Variants in TRIM67 observed in about 807,000 individuals in gnomAD.
TRIM67 encodes the protein tripartite motif-containing protein 67.
A neutral mutation model predicts 71.0 loss-of-function variants in TRIM67; 39 were observed. The ratio of observed to expected loss-of-function variants is 0.55; its 90% confidence interval spans 0.43 to 0.72. The LOEUF is 0.72. Among genes scored for constraint, TRIM67 ranks in the 30% least tolerant of loss-of-function variants. The pLI is 0.00. For missense variants in TRIM67, 973 were observed against 1,079.2 expected (o/e 0.90, Z 1.38); for synonymous variants, 481 against 473.9 (o/e 1.01, Z -0.19).
chr1:231,208,429 C>T (rs1683773034), intron 7 of TRIM67, among the ~76,000 whole-genome samples: 2 of 152,082 alleles, frequency 1.3e-5, no homozygotes, highest in Admixed American at 6.6e-5. Context: ...CCGCCTCGGC[C>T]TCCCAAAGTG....
At chr1:231,212,234 G>A (rs1469559635) in intron 8 of TRIM67, among the ~76,000 whole-genome samples, 1 of 152,174 alleles carries the variant, frequency 6.6e-6, no homozygotes, top group Non-Finnish European at 1.5e-5. Context: ...AACGGTACCA[G>A]GTGCAAGGTT....
At chr1:231,183,798 C>G (rs542913267) in intron 1 of TRIM67, among the ~76,000 whole-genome samples, 1 of 152,242 alleles carries the variant, frequency 6.6e-6, no homozygotes, top group South Asian at 2.1e-4. Flanking sequence ...TAGGCACTTA[C>G]TGCTATTACC....
At chr1:231,178,304 A>G (rs1010160573) in intron 1 of TRIM67, among the ~76,000 whole-genome samples, 1 of 152,204 alleles carries the variant, frequency 6.6e-6, no homozygotes, top group Non-Finnish European at 1.5e-5. Context: ...GAGGCAGGAG[A>G]ATACGGGGAA....
intron 7 of TRIM67, among the ~76,000 whole-genome samples, chr1:231,208,550 G>A (rs1051634867): frequency 3.9e-5 from 6 of 152,102 alleles, no homozygotes; most frequent in African/African-American, 1.4e-4. Flanking sequence ...GACCTGAGGT[G>A]ATCCACCCAC....
At chr1:231,172,365 G>A (rs776049168) in intron 1 of TRIM67, among the ~76,000 whole-genome samples, 1 of 152,178 alleles carries the variant, frequency 6.6e-6, no homozygotes, top group Non-Finnish European at 1.5e-5. Flanking sequence ...ACGGGATGGG[G>A]GAGCTTCAAT....
At chr1:231,169,605 C>T (rs1261378489) in intron 1 of TRIM67, among the ~76,000 whole-genome samples, 1 of 152,030 alleles carries the variant, frequency 6.6e-6, no homozygotes, top group Non-Finnish European at 1.5e-5. Flanking sequence ...TCTCAATCTC[C>T]TGACCCCAGG....
In TRIM67 at chr1:231,217,605, T is replaced by C; in HGVS notation, c.*2165T>C. On this transcript the variant is annotated 3_prime_UTR_variant, in exon 10 of 10. Transcript: ENST00000366653. ...CTCTCTTCTGAAAAAAAAACAGGCCTACACCCTGCCCCCAGAATGAGAGTG... is the reference window on the plus strand; with the variant it reads ...CTCTCTTCTGAAAAAAAAACAGGCCCACACCCTGCCCCCAGAATGAGAGTG... 9.0e-7 allele frequency: 1 copy of C among 1,116,164 alleles called. No individual in the cohort carries two copies. The highest frequency in any genetic ancestry group is 1.1e-6 in the Non-Finnish European group (1 of 900,842). 69.1% of individuals were successfully genotyped at this position (1,116,164 alleles called of 1,614,324 possible).
chr1:231,175,571 C>T (rs1682724552), intron 1 of TRIM67, among the ~76,000 whole-genome samples: 2 of 152,234 alleles, frequency 1.3e-5, no homozygotes, highest in Non-Finnish European at 2.9e-5. Flanking sequence ...CACCCGCACA[C>T]GCAGCCGGCT....
rs6691392 is a variant in TRIM67, at chr1:231,217,716, A to G, written c.*2276A>G. On this transcript the variant is annotated 3_prime_UTR_variant, in exon 10 of 10. Transcript: ENST00000366653. ...GGAGCCTCCACCATCACCACAGCCC[A>G]GGTCACCAGGTGGCCCCAGCTCTGC... The G allele has an allele frequency of 0.056, 69,231 of 1,234,206 alleles. 4,575 individuals are homozygous for G. Among genetic ancestry groups the G allele is most frequent in the African/African-American group, 0.28 (17,864 of 64,668 alleles). 76.5% of individuals were successfully genotyped at this position (1,234,206 alleles called of 1,614,324 possible). A position where few individuals can be genotyped will look rare whatever the true frequency, so the allele number is the denominator to read the frequency against.
intron 3 of TRIM67, 121 bp downstream of exon 3, chr1:231,199,290 G>A (rs1255182034): frequency 2.0e-6 from 2 of 984,834 alleles, no homozygotes; most frequent in Non-Finnish European, 3.1e-6. Flanking sequence ...ATGAGCTAAT[G>A]AATGAATGAG....
intron 1 of TRIM67, among the ~76,000 whole-genome samples, chr1:231,185,531 T>C (rs9431953): frequency 0.14 from 21,155 of 151,556 alleles, 2,467 homozygotes; most frequent in African/African-American, 0.3. Context: ...GTGGGATCCC[T>C]AGTAGGAGAC....
chr1:231,173,809 G>A lies in TRIM67; in HGVS notation c.1044+9796G>A, dbSNP rs141861988. Among the ~76,000 whole-genome samples the A allele has an allele frequency of 1.5e-3, 221 of 152,252 alleles. 1 individual carries two copies. The highest frequency in any genetic ancestry group is 5.1e-3 in the African/African-American group (213 of 41,550). ...GTGGTTTGGAAAATGGATAGTAGGGGGACAAGAGTGGAGGCAGGATGTGTA... is the reference window on the plus strand; with the variant it reads ...GTGGTTTGGAAAATGGATAGTAGGGAGACAAGAGTGGAGGCAGGATGTGTA... On this transcript the variant is annotated intron_variant, in intron 1 of 9. Coordinates refer to ENST00000366653, the MANE Select transcript of TRIM67 (RefSeq NM_001004342.5).
chr1:231,200,334 A>G, intron 4 of TRIM67, 76 bp downstream of exon 4: 3 of 919,542 alleles, frequency 3.3e-6, no homozygotes, highest in Non-Finnish European at 5.4e-6. Context: ...CCCAAGTTCT[A>G]GGCAAGATCC....
chr1:231,179,814 T>C (rs902885055), intron 1 of TRIM67, among the ~76,000 whole-genome samples: 2 of 152,124 alleles, frequency 1.3e-5, no homozygotes, highest in Non-Finnish European at 2.9e-5. Flanking sequence ...AAGTGGGGAA[T>C]TTTAGATTCC....
intron 1 of TRIM67, among the ~76,000 whole-genome samples, chr1:231,171,371 C>T (rs1340250158): frequency 1.3e-5 from 2 of 152,308 alleles, no homozygotes; most frequent in East Asian, 3.9e-4. Context: ...TGGAGAAATG[C>T]TTTCTGCTGC....
intron 1 of TRIM67, chr1:231,186,130 G>C: frequency 1.3e-6 from 2 of 1,533,084 alleles, no homozygotes; most frequent in South Asian, 2.4e-5. Context: ...ATCGGTGAAT[G>C]GATGAAGGGC....
At chr1:231,175,051 G>A (rs1482458160) in intron 1 of TRIM67, among the ~76,000 whole-genome samples, 1 of 152,312 alleles carries the variant, frequency 6.6e-6, no homozygotes, top group Non-Finnish European at 1.5e-5. Flanking sequence ...CCATGCTACT[G>A]CTCCCTGCCA....
In TRIM67 at chr1:231,200,222, G is replaced by T. The variant is rs1336091983; in HGVS notation, c.1338G>T (p.Glu446Asp). The change falls in exon 4 of 10, where the codon GAG becomes GAT. Residue 446 changes from glutamate (E) to aspartate (D), a missense_variant. By Grantham distance (45) the Glu-to-Asp change is conservative. Coordinates refer to ENST00000366653, the MANE Select transcript of TRIM67 (RefSeq NM_001004342.5). ...QSTGLMEYCLEVIKENDPSGF... is the reference protein window; with the variant it reads ...QSTGLMEYCLDVIKENDPSGF... Reference sequence around the variant, plus strand: ...CCGGACTGATGGAGTACTGCCTGGAGGTGATCAAGGAGAACGACCCCTCCG... The same window carrying T: ...CCGGACTGATGGAGTACTGCCTGGATGTGATCAAGGAGAACGACCCCTCCG... 5 of 1,613,818 alleles carry T rather than the reference G, an allele frequency of 3.1e-6. No homozygotes were observed. The highest frequency in any genetic ancestry group is 4.2e-6 in the Non-Finnish European group (5 of 1,179,830).
intron 1 of TRIM67, among the ~76,000 whole-genome samples, chr1:231,190,378 A>G (rs749848005): frequency 1.1e-4 from 16 of 152,236 alleles, no homozygotes; most frequent in Non-Finnish European, 2.1e-4. Flanking sequence ...CGACACAAAC[A>G]CAGGGAGCTG....
Sources: gnomAD v4.1 joint callset for allele counts (sites outside exome capture counted in the v4.1 genomes callset) on GRCh38, gnomAD v4.1.1 for gene constraint, MANE v1.5 for transcripts, NCBI Gene and HGNC (gene_info 2026-07-23, HGNC 2026-07-21) for gene names.